Variants in FKBP15 observed in about 807,000 individuals in gnomAD.
The protein encoded by FKBP15 is FK506-binding protein 15.
In FKBP15, 106 loss-of-function variants were observed where a neutral mutation model predicts 158.1. The observed-to-expected ratio is 0.67, with a 90% CI of 0.57 to 0.79. The LOEUF is 0.79. Ranked by LOEUF, FKBP15 falls within the 30% of genes least tolerant of loss-of-function variation. The pLI, the probability that FKBP15 is intolerant of heterozygous loss-of-function variation, is 0.00. For missense variants in FKBP15, 1,287 were observed against 1,479.1 expected (o/e 0.87, Z 2.13); for synonymous variants, 547 against 548.6 (o/e 1.00, Z 0.04).
chr9:113,210,316 G>C (rs1342135055), intron 2 of FKBP15, among the ~76,000 whole-genome samples: 1 of 148,536 alleles, frequency 6.7e-6, no homozygotes, highest in Non-Finnish European at 1.5e-5. Flanking sequence ...CACAATCCTA[G>C]TGCCAGTTGT....
At chr9:113,210,062 C>A (rs114817768) in intron 2 of FKBP15, among the ~76,000 whole-genome samples, 2,656 of 152,284 alleles carry the variant, frequency 0.017, 91 homozygotes, top group African/African-American at 0.061. Flanking sequence ...CTGGACAGTG[C>A]CTACTTAGAG....
At chr9:113,205,521 T>C (rs549325454) in intron 4 of FKBP15, among the ~76,000 whole-genome samples, 1 of 152,270 alleles carries the variant, frequency 6.6e-6, no homozygotes, top group African/African-American at 2.4e-5. Context: ...AATAACAAAA[T>C]GCTGGCAAGG....
At chr9:113,204,928 C>T (rs970747315) in intron 4 of FKBP15, among the ~76,000 whole-genome samples, 1 of 140,230 alleles carries the variant, frequency 7.1e-6, no homozygotes, top group African/African-American at 2.6e-5. Flanking sequence ...TGTATGTTAA[C>T]TGCAATATCT....
intron 4 of FKBP15, 87 bp downstream of exon 4, chr9:113,206,422 C>T: frequency 1.0e-6 from 1 of 989,762 alleles, no homozygotes; most frequent in African/African-American, 1.6e-5. Flanking sequence ...TTCTGATAAA[C>T]AAGACATCGG....
At chr9:113,182,024 T>G (rs1473027647) in intron 19 of FKBP15, among the ~76,000 whole-genome samples, 1 of 152,150 alleles carries the variant, frequency 6.6e-6, no homozygotes, top group Non-Finnish European at 1.5e-5. Context: ...AGACAAAGAT[T>G]AGCATAAGAC....
intron 1 of FKBP15, among the ~76,000 whole-genome samples, chr9:113,217,678 C>CA (rs1402433780): frequency 6.6e-6 from 1 of 151,768 alleles, no homozygotes; most frequent in African/African-American, 2.4e-5. Flanking sequence ...CCCATCTTTA[C>CA]AAAAAATTAA....
rs1436925423 is a variant in FKBP15 at position 113,199,795 on chromosome 9, G to A, written c.648+19C>T. On this transcript the variant is annotated intron_variant, in intron 7 of 27. Transcript: ENST00000238256. ...GCTATATAAGTTTACAAAAGAACTT[G>A]CAGGGTGCATTTTCTTACCTGGCCC... is the stretch of plus-strand genomic sequence containing the variant. 2 of 1,606,556 alleles carry A rather than the reference G, an allele frequency of 1.2e-6. No homozygotes were observed. Among genetic ancestry groups the A allele is most frequent in the Non-Finnish European group, 1.7e-6 (2 of 1,176,464 alleles).
In FKBP15 at chr9:113,189,777, T is replaced by A. The variant is rs546772745; in HGVS notation, c.1173+694A>T. 3.9e-5 allele frequency among the ~76,000 whole-genome samples: 6 copies of A among 152,298 alleles called. No homozygotes were observed. In the East Asian group the frequency reaches 1.2e-3, roughly 29 times the overall value. On this transcript the variant is annotated intron_variant, in intron 12 of 27. Transcript: ENST00000238256. ...TTCAATTGAGAAAGGACGATTATAT[T>A]CAATAAAGAACTAACCACTAGAGAA...
Position 113,184,571 on chromosome 9 carries a change from C to A in FKBP15, c.1608+124G>T. On this transcript the variant is annotated intron_variant, in intron 16 of 27. Transcript: ENST00000238256. This position sits in a 1 kb window ranked among gnomAD's most constrained non-coding sequence, Gnocchi z 4.5. The stretch of plus-strand genomic sequence containing the variant: ...GGATCCCAACATAATTATAACTATC[C>A]TTGTAGGGAAATAACCTCTCACTAC... The A allele has an allele frequency of 1.1e-6, 1 of 936,520 alleles. No individual in the cohort carries two copies. The highest frequency in any genetic ancestry group is 1.7e-6 in the Non-Finnish European group (1 of 601,462). 58.0% of individuals were successfully genotyped at this position (936,520 alleles called of 1,614,324 possible).
Position 113,213,203 on chromosome 9 carries a change from G to A in FKBP15, c.54-1611C>T, listed in dbSNP as rs187482930. ...ATGGGAGGATCACTTGAGGTCAGGC[G>A]TTCGAGACCAGCCTGACCAACATGG... On this transcript the variant is annotated intron_variant, in intron 1 of 27. Coordinates refer to ENST00000238256, the MANE Select transcript of FKBP15 (RefSeq NM_015258.2). Among the ~76,000 whole-genome samples, 28 of 152,266 alleles carry A rather than the reference G, an allele frequency of 1.8e-4. No individual in the cohort carries two copies. In the East Asian group the frequency reaches 3.5e-3, roughly 19 times the overall value.
At position 113,165,996 on chromosome 9, in the gene FKBP15, T is replaced by C; in HGVS notation, c.*82A>G. 1 of 1,384,536 alleles carries C rather than the reference T, an allele frequency of 7.2e-7. No individual in the cohort carries two copies. The highest frequency in any genetic ancestry group is 1.0e-6 in the Non-Finnish European group (1 of 999,262). 85.8% of individuals were successfully genotyped at this position (1,384,536 alleles called of 1,614,324 possible). A position where few individuals can be genotyped will look rare whatever the true frequency, so the allele number is the denominator to read the frequency against. The stretch of plus-strand genomic sequence containing the variant: ...GCTCACCTTGACCTCACCCTGTGGT[T>C]CGCCTAGACCCAGGGTTGGCTGTGC... On this transcript the variant is annotated 3_prime_UTR_variant, in exon 28 of 28. Coordinates refer to ENST00000238256, the MANE Select transcript of FKBP15 (RefSeq NM_015258.2).
At chr9:113,172,758 T>C (rs1830236496) in intron 23 of FKBP15, among the ~76,000 whole-genome samples, 2 of 152,192 alleles carry the variant, frequency 1.3e-5, no homozygotes, top group African/African-American at 4.8e-5. Context: ...CAGCAACCCA[T>C]TTGTCATTCA....
chr9:113,169,995 C>G (rs1416395500), intron 25 of FKBP15, 53 bp from the exon 26 acceptor site: 2 of 1,472,146 alleles, frequency 1.4e-6, no homozygotes, highest in Non-Finnish European at 1.8e-6. Context: ...AGTAGCCACT[C>G]CTAATTCTTA....
intron 11 of FKBP15, among the ~76,000 whole-genome samples, chr9:113,191,466 A>C (rs1050018658): frequency 6.6e-6 from 1 of 151,852 alleles, no homozygotes; most frequent in African/African-American, 2.4e-5. Context: ...ATAAACCTAT[A>C]CTGGGAGTGT....
Position 113,174,472 on chromosome 9 carries a change from A to G in FKBP15, c.2335T>C (p.Leu779=), listed in dbSNP as rs777972376. ...TCTGTGGACACTCGAGTCTTTTTCA[A>G]GAGCTGTCGAAGTTTGTCCAATTCC... The part of the protein sequence containing the change: ...QEELDKLRQL[L]KKTRVSTDQA... Residue 779 remains leucine (L), a synonymous_variant, in exon 22 of 28, where the codon TTG becomes CTG. Transcript: ENST00000238256. 57 of 1,613,866 alleles carry G rather than the reference A, an allele frequency of 3.5e-5. No homozygotes were observed. The highest frequency in any genetic ancestry group is 4.2e-5 in the Non-Finnish European group (50 of 1,179,896).
Position 113,193,646 on chromosome 9 carries a change from G to A in FKBP15, c.1008-97C>T, listed in dbSNP as rs150457255. ...AAGCAAATTGTTTTTTTAAATGTGT[G>A]CCAATTTAATGACTGTAAAACAGAA... is the stretch of plus-strand genomic sequence containing the variant. On this transcript the variant is annotated intron_variant, in intron 10 of 27. Transcript: ENST00000238256. 479 of 1,007,984 alleles carry A rather than the reference G, an allele frequency of 4.8e-4. 5 individuals carry two copies. In the African/African-American group the frequency reaches 6.6e-3, roughly 14 times the overall value. 62.4% of individuals were successfully genotyped at this position (1,007,984 alleles called of 1,614,324 possible).
intron 3 of FKBP15, 74 bp from the exon 4 acceptor site, chr9:113,206,652 A>C: frequency 1.7e-6 from 2 of 1,201,074 alleles, no homozygotes. Flanking sequence ...TTTCTGTCAT[A>C]CAGAAGTGGG....
chr9:113,219,396 C>T (rs1264065813), intron 1 of FKBP15, among the ~76,000 whole-genome samples: 1 of 152,222 alleles, frequency 6.6e-6, no homozygotes, highest in Non-Finnish European at 1.5e-5. Flanking sequence ...ATATGTTCTA[C>T]TTCCTTAGAG....
chr9:113,173,082 C>T (rs1587951516), intron 23 of FKBP15, among the ~76,000 whole-genome samples: 1 of 152,194 alleles, frequency 6.6e-6, no homozygotes, highest in African/African-American at 2.4e-5. Flanking sequence ...GCACTTAACA[C>T]CTATCTTTGT....
Sources: allele counts gnomAD v4.1 joint callset (sites outside exome capture counted in the v4.1 genomes callset), GRCh38; gene constraint gnomAD v4.1.1; non-coding constraint Gnocchi (gnomAD v3.1); transcripts MANE v1.5; gene names NCBI Gene and HGNC (gene_info 2026-07-23, HGNC 2026-07-21).